Variants in CSMD1 observed in about 807,000 individuals in gnomAD.
CSMD1 encodes the protein CUB and sushi domain-containing protein 1.
In CSMD1, 213 loss-of-function variants were observed where a neutral mutation model predicts 417.5. The ratio of observed to expected loss-of-function variants is 0.51; its 90% CI spans 0.46 to 0.57. CSMD1 has a LOEUF of 0.57. CSMD1 is among the 20% of genes least tolerant of loss of function. The pLI is 0.00. For synonymous variants in CSMD1, 2,862 were observed against 1,736.8 expected, an observed-to-expected ratio of 1.65 and a Z score of -16.11; for missense variants, 6,923 against 4,529.7, an observed-to-expected ratio of 1.53 and a Z score of -15.17.
chr8:4,522,451 T>A (rs923029629), intron 2 of CSMD1, among the ~76,000 whole-genome samples: 1 of 152,148 alleles, frequency 6.6e-6, no homozygotes, highest in South Asian at 2.1e-4. Flanking sequence ...CACAATCAGA[T>A]GAGCAAGGAA....
At chr8:4,077,998 C>T (rs1209253431) in intron 3 of CSMD1, among the ~76,000 whole-genome samples, 1 of 152,070 alleles carries the variant, frequency 6.6e-6, no homozygotes, top group Non-Finnish European at 1.5e-5. Context: ...TTTCATCTCT[C>T]AGTTGGAAAA....
intron 3 of CSMD1, among the ~76,000 whole-genome samples, chr8:4,130,970 T>C (rs1375865914): frequency 1.1e-4 from 16 of 152,152 alleles, no homozygotes; most frequent in Admixed American, 1.0e-3. Flanking sequence ...GAAAACATTA[T>C]ACTTTGGTCT....
chr8:3,885,707 T>C (rs772377797), intron 5 of CSMD1, among the ~76,000 whole-genome samples: 2 of 152,146 alleles, frequency 1.3e-5, no homozygotes, highest in African/African-American at 2.4e-5. Flanking sequence ...TGTGAGCTCA[T>C]GAAATTTCAG....
At chr8:4,183,350 G>A (rs1250827231) in intron 3 of CSMD1, among the ~76,000 whole-genome samples, 1 of 152,126 alleles carries the variant, frequency 6.6e-6, no homozygotes, top group Non-Finnish European at 1.5e-5. Context: ...GATTACCACT[G>A]AAGTAATCTA....
At chr8:4,501,685 C>G (rs2130285801) in intron 2 of CSMD1, among the ~76,000 whole-genome samples, 1 of 152,278 alleles carries the variant, frequency 6.6e-6, no homozygotes, top group South Asian at 2.1e-4. Context: ...ATTCCTTTGT[C>G]CAGTGGATTC....
intron 53 of CSMD1, among the ~76,000 whole-genome samples, chr8:2,999,640 C>T (rs1243811024): frequency 6.6e-6 from 1 of 152,092 alleles, no homozygotes; most frequent in Non-Finnish European, 1.5e-5. Context: ...TCTCTCCACC[C>T]AGTTTATCCT....
chr8:4,297,477 A>C (rs1391216743), intron 3 of CSMD1, among the ~76,000 whole-genome samples: 1 of 152,220 alleles, frequency 6.6e-6, no homozygotes, highest in Non-Finnish European at 1.5e-5. Flanking sequence ...CTAATACTTT[A>C]TTCAGTTAAC....
At chr8:4,932,435 A>C (rs1029206940) in intron 1 of CSMD1, among the ~76,000 whole-genome samples, 2 of 152,178 alleles carry the variant, frequency 1.3e-5, no homozygotes, top group Non-Finnish European at 2.9e-5. Context: ...GACTTCCAAA[A>C]TCTTTCTGCC....
intron 38 of CSMD1, 138 bp downstream of exon 38, chr8:3,162,021 T>C (rs1585519838): frequency 1.7e-6 from 1 of 600,078 alleles, no homozygotes; most frequent in East Asian, 2.8e-5. Flanking sequence ...ATGACCAACA[T>C]GCATGATTTA....
intron 41 of CSMD1, among the ~76,000 whole-genome samples, chr8:3,140,549 C>T (rs1244689945): frequency 6.6e-6 from 1 of 151,940 alleles, no homozygotes; most frequent in Admixed American, 6.6e-5. Context: ...CCTAGATTTC[C>T]AGTTTAACAG....
At position 4,649,254 on chromosome 8, in the gene CSMD1, T is replaced by C. The variant is rs1030660459; in HGVS notation, c.86-11696A>G. On this transcript the variant is annotated intron_variant, in intron 1 of 69. Coordinates refer to ENST00000635120, the MANE Select transcript of CSMD1 (RefSeq NM_033225.6). ...CAGTGCACAGTAAACATTTGGTCTA[T>C]GGAAGCAAGGGAGCTGGAGTGACTA... Among the ~76,000 whole-genome samples, 10 of 152,218 alleles carry C rather than the reference T, an allele frequency of 6.6e-5. No individual in the cohort carries two copies. In the East Asian group the frequency reaches 1.2e-3, roughly 18 times the overall value.
rs535614689 is a variant in CSMD1, at chr8:4,361,965, A to AAAATAAATAAAT, written c.415+57976_415+57987dup. Among the ~76,000 whole-genome samples the AAAATAAATAAAT allele has an allele frequency of 1.9e-4, 29 of 151,962 alleles. No individual in the cohort carries two copies. In the East Asian group the frequency reaches 2.1e-3, roughly 11 times the overall value. On this transcript the variant is annotated intron_variant, in intron 3 of 69. Coordinates refer to ENST00000635120, the MANE Select transcript of CSMD1 (RefSeq NM_033225.6). ...GGGCAACACAGCAAGACTCCATCTC[A>AAAATAAATAAAT]AAATAAATAAATAAATAAATAAATA... is the stretch of plus-strand genomic sequence containing the variant.
chr8:3,367,142 G>A lies in CSMD1; in HGVS notation c.3005C>T (p.Ser1002Leu). 6 of 1,613,652 alleles carry A rather than the reference G, an allele frequency of 3.7e-6. No individual in the cohort carries two copies. The highest frequency in any genetic ancestry group is 3.4e-6 in the Non-Finnish European group (4 of 1,179,738). The change falls in exon 20 of 70, where the codon TCG becomes TTG. Residue 1002 changes from serine to leucine, a missense_variant. Transcript: ENST00000635120. Reference protein sequence around the residue: ...FSEPVARLTGSVLPHTIKAGL... With the variant: ...FSEPVARLTGLVLPHTIKAGL... Reference sequence around the variant, plus strand: ...TGCCTTGATCGTATGAGGCAACACCGACCCGGTGAGCCTGGCAACGGGCTC... The same window carrying A: ...TGCCTTGATCGTATGAGGCAACACCAACCCGGTGAGCCTGGCAACGGGCTC...
intron 54 of CSMD1, among the ~76,000 whole-genome samples, chr8:2,985,568 T>C (rs750854088): frequency 8.5e-5 from 13 of 152,244 alleles, no homozygotes; most frequent in South Asian, 2.1e-4. Context: ...ATACTCCTTA[T>C]AGTTTTCTTC....
chr8:4,696,187 T>G (rs971995202), intron 1 of CSMD1, among the ~76,000 whole-genome samples: 2 of 152,210 alleles, frequency 1.3e-5, no homozygotes, highest in Non-Finnish European at 2.9e-5. Context: ...CCAGTGCACA[T>G]GTATGCATAT....
intron 1 of CSMD1, among the ~76,000 whole-genome samples, chr8:4,968,892 G>A (rs1034158397): frequency 1.1e-4 from 16 of 152,134 alleles, no homozygotes; most frequent in African/African-American, 3.9e-4. Flanking sequence ...TCTGTCTCTC[G>A]GGTTGCCACC....
chr8:4,036,054 T>C (rs1056448199), intron 3 of CSMD1, among the ~76,000 whole-genome samples: 7 of 152,226 alleles, frequency 4.6e-5, no homozygotes, highest in Non-Finnish European at 8.8e-5. Flanking sequence ...CATTATGTTA[T>C]AGTTGCCTAC....
At chr8:3,167,659 C>A (rs1820314921) in intron 37 of CSMD1, among the ~76,000 whole-genome samples, 1 of 152,044 alleles carries the variant, frequency 6.6e-6, no homozygotes, top group Non-Finnish European at 1.5e-5. Context: ...GTTTTTAAAC[C>A]CCATGAATCC....
intron 1 of CSMD1, among the ~76,000 whole-genome samples, chr8:4,887,460 T>G (rs1803828319): frequency 6.6e-6 from 1 of 152,066 alleles, no homozygotes; most frequent in South Asian, 2.1e-4. Flanking sequence ...TTGGCTACTT[T>G]TACAAACGTT....
Sources: gnomAD v4.1 joint callset for allele counts (sites outside exome capture counted in the v4.1 genomes callset) on GRCh38, gnomAD v4.1.1 for gene constraint, MANE v1.5 for transcripts, NCBI Gene and HGNC (gene_info 2026-07-23, HGNC 2026-07-21) for gene names.